Variants in FAM114A1 observed in about 807,000 individuals in gnomAD.
The protein encoded by FAM114A1 is protein NOXP20.
In FAM114A1, 62 loss-of-function variants were observed where a neutral mutation model predicts 64.3. The ratio of observed to expected loss-of-function variants is 0.96; its 90% confidence interval spans 0.79 to 1.19. The LOEUF is 1.19. Among genes scored for constraint, FAM114A1 ranks in the 50% most tolerant of loss-of-function variants. The pLI is 0.00. For synonymous variants in FAM114A1, 254 were observed against 251.1 expected, an observed-to-expected ratio of 1.01 and a Z score of -0.11; for missense variants, 645 against 676.3, an observed-to-expected ratio of 0.95 and a Z score of 0.51.
At chr4:38,936,074 T>C (rs1000109459) in intron 13 of FAM114A1, among the ~76,000 whole-genome samples, 1 of 151,662 alleles carries the variant, frequency 6.6e-6, no homozygotes, top group South Asian at 2.1e-4. Context: ...TGTTTGTTTG[T>C]TTGATTTTTG....
intron 9 of FAM114A1, among the ~76,000 whole-genome samples, chr4:38,925,267 A>G (rs1719999456): frequency 6.6e-6 from 1 of 152,248 alleles, no homozygotes. Flanking sequence ...GTTAATGTTA[A>G]TTAACTTAAT....
intron 3 of FAM114A1, among the ~76,000 whole-genome samples, chr4:38,882,498 G>A (rs1164864849): frequency 6.6e-6 from 1 of 151,724 alleles, no homozygotes; most frequent in Non-Finnish European, 1.5e-5. Context: ...GCATGGTAGT[G>A]CATGCCTGTA....
intron 2 of FAM114A1, among the ~76,000 whole-genome samples, chr4:38,875,065 TG>T (rs1232692329): frequency 1.3e-5 from 2 of 152,216 alleles, no homozygotes; most frequent in Non-Finnish European, 2.9e-5. Flanking sequence ...CATGGTGTTT[TG>T]GTTACTATAA....
At chr4:38,939,886 CTTTTTTTTTT>C (rs545845095) in intron 13 of FAM114A1, among the ~76,000 whole-genome samples, 2 of 131,668 alleles carry the variant, frequency 1.5e-5, no homozygotes, top group Non-Finnish European at 3.2e-5. Context: ...CACTTTCTTT[CTTTTTTTTTT>C]TTTTTTTTGT....
chr4:38,929,173 T>G, intron 9 of FAM114A1, 69 bp from the exon 10 acceptor site: 2 of 1,236,956 alleles, frequency 1.6e-6, no homozygotes, highest in Non-Finnish European at 2.4e-6. Context: ...GGCTGTAATG[T>G]TGGGGGAGCT....
At chr4:38,899,149 T>C (rs1036998842) in intron 4 of FAM114A1, among the ~76,000 whole-genome samples, 3 of 151,904 alleles carry the variant, frequency 2.0e-5, no homozygotes, top group African/African-American at 4.8e-5. Flanking sequence ...AGTCAGAAAT[T>C]GTGTGCTGGA....
At chr4:38,892,731 C>A (rs1360560363) in intron 4 of FAM114A1, among the ~76,000 whole-genome samples, 1 of 152,198 alleles carries the variant, frequency 6.6e-6, no homozygotes, top group Non-Finnish European at 1.5e-5. Context: ...TTCTAAGGTG[C>A]AGTCCATGGC....
At chr4:38,880,666 C>T (rs1715169890) in intron 3 of FAM114A1, among the ~76,000 whole-genome samples, 2 of 152,288 alleles carry the variant, frequency 1.3e-5, no homozygotes, top group South Asian at 4.1e-4. Context: ...GCTTTGCCTC[C>T]ACACTGTCTG....
intron 4 of FAM114A1, among the ~76,000 whole-genome samples, chr4:38,893,397 T>C (rs1716583799): frequency 6.6e-6 from 1 of 152,264 alleles, no homozygotes; most frequent in Admixed American, 6.5e-5. Flanking sequence ...ATGTTTCCAG[T>C]TTTAACCGCA....
intron 8 of FAM114A1, 144 bp downstream of exon 8, chr4:38,915,217 G>A (rs556792371): frequency 3.5e-4 from 366 of 1,037,220 alleles, no homozygotes; most frequent in Non-Finnish European, 4.4e-4. Context: ...TGTACAATGG[G>A]ATGACCCTCG....
At chr4:38,886,350 T>C (rs888532392) in intron 3 of FAM114A1, among the ~76,000 whole-genome samples, 6 of 151,682 alleles carry the variant, frequency 4.0e-5, no homozygotes, top group Admixed American at 6.6e-5. Context: ...TTTGTATTTT[T>C]AGTAGAGACG....
At chr4:38,922,654 C>T (rs12509328) in intron 8 of FAM114A1, 116 bp from the exon 9 acceptor site, 291,664 of 1,330,092 alleles carry the variant, frequency 0.22, 34,172 homozygotes, top group Non-Finnish European at 0.25. Flanking sequence ...TTCAACCCAG[C>T]GATACCTCCC....
chr4:38,905,938 C>G (rs1258579294), intron 6 of FAM114A1, 77 bp downstream of exon 6: 18 of 1,259,644 alleles, frequency 1.4e-5, no homozygotes, highest in Non-Finnish European at 2.0e-5. Flanking sequence ...TACCAGTGAC[C>G]TAGATACATC....
chr4:38,929,423 T>C, intron 10 of FAM114A1, 90 bp downstream of exon 10: 2 of 966,386 alleles, frequency 2.1e-6, no homozygotes, highest in Non-Finnish European at 3.2e-6. Context: ...GCACCTGAAA[T>C]GGAAAACCCC....
chr4:38,916,348 G>T (rs1719047600), intron 8 of FAM114A1, among the ~76,000 whole-genome samples: 1 of 152,152 alleles, frequency 6.6e-6, no homozygotes, highest in South Asian at 2.1e-4. Context: ...TATGTTAAAG[G>T]ATTTATTTAG....
intron 13 of FAM114A1, among the ~76,000 whole-genome samples, chr4:38,936,803 G>T (rs550338802): frequency 6.6e-6 from 1 of 152,082 alleles, no homozygotes; most frequent in East Asian, 1.9e-4. Flanking sequence ...CACCGGCCTC[G>T]GCCTCCCAAA....
At chr4:38,876,260 C>T (rs749983180) in intron 2 of FAM114A1, among the ~76,000 whole-genome samples, 7 of 150,698 alleles carry the variant, frequency 4.6e-5, no homozygotes, top group African/African-American at 9.8e-5. Flanking sequence ...ACCTCCACCC[C>T]CCAGGTTCAA....
chr4:38,921,397 A>G (rs1346342186), intron 8 of FAM114A1, among the ~76,000 whole-genome samples: 2 of 152,090 alleles, frequency 1.3e-5, no homozygotes, highest in African/African-American at 4.8e-5. Context: ...AACTGAGACC[A>G]CAGGCGTGCA....
At chr4:38,892,514 G>T (rs538783825) in intron 4 of FAM114A1, among the ~76,000 whole-genome samples, 2 of 152,278 alleles carry the variant, frequency 1.3e-5, no homozygotes, top group African/African-American at 4.8e-5. Flanking sequence ...GAGAAAATAT[G>T]ATGGACAGTG....
Sources: allele counts gnomAD v4.1 joint callset (sites outside exome capture counted in the v4.1 genomes callset), GRCh38; gene constraint gnomAD v4.1.1; transcripts MANE v1.5; gene names NCBI Gene and HGNC (gene_info 2026-07-23, HGNC 2026-07-21).